Variants in HOMER1 observed in about 807,000 individuals in gnomAD.
HOMER1 encodes the protein homer scaffold protein 1.
In HOMER1, 3 loss-of-function variants were observed where a neutral mutation model predicts 48.9. The ratio of observed to expected loss-of-function variants is 0.06; its 90% CI spans 0.03 to 0.16. HOMER1 has a LOEUF of 0.16. Among genes scored for constraint, HOMER1 ranks in the 10% least tolerant of loss-of-function variants. The pLI is 1.00. For synonymous variants in HOMER1, 134 were observed against 146.4 expected (o/e 0.92, Z 0.61); for missense variants, 247 against 411.4 (o/e 0.60, Z 3.46).
At chr5:79,451,740 G>C (rs1751034701) in intron 2 of HOMER1, among the ~76,000 whole-genome samples, 1 of 151,232 alleles carries the variant, frequency 6.6e-6, no homozygotes, top group Admixed American at 6.6e-5. Context: ...TAACTTTTTT[G>C]TATTTTTTTT....
intron 5 of HOMER1, among the ~76,000 whole-genome samples, chr5:79,425,505 A>C (rs1245545523): frequency 6.6e-6 from 1 of 152,100 alleles, no homozygotes; most frequent in African/African-American, 2.4e-5. Context: ...TAATATGTCT[A>C]GTATTAGTTC....
intron 5 of HOMER1, among the ~76,000 whole-genome samples, chr5:79,410,405 C>T (rs1022283374): frequency 6.6e-6 from 1 of 150,888 alleles, no homozygotes; most frequent in African/African-American, 2.4e-5. Context: ...GCATGAGAAT[C>T]GCTTGAACCC....
intron 8 of HOMER1, among the ~76,000 whole-genome samples, chr5:79,392,988 A>AGAGAGAGG (rs56107183): frequency 7.4e-6 from 1 of 134,668 alleles, no homozygotes; most frequent in African/African-American, 2.8e-5. Context: ...AGAGAGAGAG[A>AGAGAGAGG]AGAGAGCCAT....
At chr5:79,427,534 G>A (rs761225398) in intron 5 of HOMER1, among the ~76,000 whole-genome samples, 72 of 152,192 alleles carry the variant, frequency 4.7e-4, no homozygotes, top group South Asian at 1.5e-3. Flanking sequence ...GATTACAGGC[G>A]TGCACTACCA....
intron 1 of HOMER1, among the ~76,000 whole-genome samples, chr5:79,481,155 C>T (rs183426121): frequency 7.2e-5 from 11 of 152,266 alleles, no homozygotes; most frequent in Admixed American, 6.5e-4. Context: ...CTTTCAGAGT[C>T]TCCAAATAAA....
At chr5:79,505,777 A>T (rs1169584608) in intron 1 of HOMER1, among the ~76,000 whole-genome samples, 1 of 152,212 alleles carries the variant, frequency 6.6e-6, no homozygotes, top group Non-Finnish European at 1.5e-5. Flanking sequence ...TTTATAAACA[A>T]TTTTATTTTC....
rs551959064 is a variant in HOMER1 at position 79,411,977 on chromosome 5, G to A, written c.528-9922C>T. Reference sequence around the variant, plus strand: ...CTACTAAAAATACAAAAATTAGCCGGGTGTGGTGGCAGACGCCTGTAATCC... The same window carrying A: ...CTACTAAAAATACAAAAATTAGCCGAGTGTGGTGGCAGACGCCTGTAATCC... On this transcript the variant is annotated intron_variant, in intron 5 of 8. Transcript: ENST00000334082. 2.0e-5 allele frequency among the ~76,000 whole-genome samples: 3 copies of A among 152,230 alleles called. No individual in the cohort carries two copies. In the South Asian group the frequency reaches 6.2e-4, roughly 32 times the overall value.
intron 5 of HOMER1, among the ~76,000 whole-genome samples, chr5:79,429,693 T>C (rs1449359307): frequency 6.6e-6 from 1 of 152,000 alleles, no homozygotes; most frequent in Non-Finnish European, 1.5e-5. Flanking sequence ...ATACCAAAAG[T>C]GCAAGAAAGA....
intron 3 of HOMER1, among the ~76,000 whole-genome samples, chr5:79,450,175 T>C (rs1013895217): frequency 7.2e-5 from 11 of 152,210 alleles, no homozygotes; most frequent in Admixed American, 7.2e-4. Flanking sequence ...AAATATATGG[T>C]TATTCTTTTA....
At chr5:79,456,474 G>A (rs955412538) in intron 2 of HOMER1, among the ~76,000 whole-genome samples, 1 of 152,170 alleles carries the variant, frequency 6.6e-6, no homozygotes, top group South Asian at 2.1e-4. Context: ...ATAGGATATA[G>A]GGACTTTAAA....
At chr5:79,476,889 A>C (rs1751795021) in intron 1 of HOMER1, among the ~76,000 whole-genome samples, 1 of 151,900 alleles carries the variant, frequency 6.6e-6, no homozygotes, top group African/African-American at 2.4e-5. Flanking sequence ...GATTGAAAAA[A>C]CCCAACGAGG....
intron 5 of HOMER1, among the ~76,000 whole-genome samples, chr5:79,436,569 T>C (rs955083445): frequency 3.3e-5 from 5 of 152,260 alleles, no homozygotes; most frequent in African/African-American, 1.2e-4. Flanking sequence ...CACATATATG[T>C]ACACTACTGA....
intron 8 of HOMER1, among the ~76,000 whole-genome samples, chr5:79,396,214 T>A (rs1369518951): frequency 1.3e-5 from 2 of 151,990 alleles, no homozygotes; most frequent in African/African-American, 4.8e-5. Context: ...GTAAAATTAA[T>A]TACACTGAAG....
intron 1 of HOMER1, among the ~76,000 whole-genome samples, chr5:79,459,460 C>G (rs1751257539): frequency 2.0e-5 from 3 of 152,092 alleles, no homozygotes; most frequent in Admixed American, 2.0e-4. Flanking sequence ...CTCTTCTGAA[C>G]AGCTGGTTTT....
intron 8 of HOMER1, among the ~76,000 whole-genome samples, chr5:79,393,251 C>T (rs866819754): frequency 6.6e-6 from 1 of 152,030 alleles, no homozygotes; most frequent in South Asian, 2.1e-4. Flanking sequence ...GTGATAAGTA[C>T]TAAAAGGAAA....
chr5:79,490,219 T>C (rs1752230143), intron 1 of HOMER1, among the ~76,000 whole-genome samples: 1 of 152,212 alleles, frequency 6.6e-6, no homozygotes, highest in African/African-American at 2.4e-5. Flanking sequence ...TCATGATACT[T>C]AGTCTAAACT....
In HOMER1 at chr5:79,482,610, G is replaced by GA. The variant is rs202125908; in HGVS notation, c.6-25593dup. On this transcript the variant is annotated intron_variant, in intron 1 of 8. Transcript: ENST00000334082. The stretch of plus-strand genomic sequence containing the variant: ...AAAATGAAGCACAGAAAAAAACCCT[G>GA]AAAAAAAAATATAGTACTAATGTGA... 1.7e-4 allele frequency among the ~76,000 whole-genome samples: 25 copies of GA among 150,904 alleles called. No individual in the cohort carries two copies. In the South Asian group the frequency reaches 3.6e-3, roughly 22 times the overall value.
intron 8 of HOMER1, among the ~76,000 whole-genome samples, chr5:79,395,549 A>T (rs1385219933): frequency 5.9e-5 from 9 of 152,240 alleles, no homozygotes; most frequent in African/African-American, 1.7e-4. Context: ...AGGGCCAACC[A>T]AAACAAGTGA....
chr5:79,502,212 G>A (rs897992906), intron 1 of HOMER1, among the ~76,000 whole-genome samples: 3 of 151,994 alleles, frequency 2.0e-5, no homozygotes, highest in Non-Finnish European at 4.4e-5. Context: ...TAGAGATGGA[G>A]TTTCACTATG....
Sources: allele counts gnomAD v4.1 joint callset (sites outside exome capture counted in the v4.1 genomes callset), GRCh38; gene constraint gnomAD v4.1.1; transcripts MANE v1.5; gene names NCBI Gene and HGNC (gene_info 2026-07-23, HGNC 2026-07-21).